TBC1D5: variants seen among roughly 807,000 people sequenced by gnomAD.
TBC1D5 encodes TBC1 domain family member 5.
Under a neutral mutation model 100.3 loss-of-function variants are expected in TBC1D5, and 75 were observed. The observed-to-expected ratio is 0.75, with a 90% CI of 0.62 to 0.91. TBC1D5 has a LOEUF of 0.91. Ranked by LOEUF, TBC1D5 falls within the 40% of genes least tolerant of loss-of-function variation. The pLI, the probability that TBC1D5 is intolerant of heterozygous loss-of-function variation, is 0.00. For missense variants in TBC1D5, 910 were observed against 942.4 expected (o/e 0.97, Z 0.45); for synonymous variants, 323 against 325.6 (o/e 0.99, Z 0.09).
At chr3:17,445,259 A>G (rs986884159) in intron 3 of TBC1D5, among the ~76,000 whole-genome samples, 7 of 152,210 alleles carry the variant, frequency 4.6e-5, no homozygotes, top group African/African-American at 7.2e-5. Flanking sequence ...AATCAGGCCA[A>G]TAATGGCCTC....
intron 2 of TBC1D5, among the ~76,000 whole-genome samples, chr3:17,511,059 C>T (rs549796202): frequency 1.5e-3 from 223 of 152,030 alleles, no homozygotes; most frequent in African/African-American, 5.3e-3. Flanking sequence ...AAAGATGCAG[C>T]CTATGAATAA....
chr3:17,550,878 T>A (rs1261937287), intron 2 of TBC1D5, among the ~76,000 whole-genome samples: 1 of 152,106 alleles, frequency 6.6e-6, no homozygotes, highest in African/African-American at 2.4e-5. Flanking sequence ...TGCAATAAAA[T>A]GTGACTATAA....
At chr3:17,214,336 G>A (rs142834175) in exon 18 of TBC1D5, 50 of 1,612,904 alleles carry the variant, frequency 3.1e-5, no homozygotes, top group Non-Finnish European at 3.9e-5. Context: ...AACTCTCAAC[G>A]CTTGGAGATG....
At chr3:17,556,737 GA>G (rs2096524774) in intron 2 of TBC1D5, among the ~76,000 whole-genome samples, 1 of 151,990 alleles carries the variant, frequency 6.6e-6, no homozygotes, top group South Asian at 2.1e-4. Flanking sequence ...ATTTACTTAG[GA>G]AAACTTTCCA....
intron 8 of TBC1D5, among the ~76,000 whole-genome samples, chr3:17,388,909 T>C (rs1342517924): frequency 6.6e-6 from 1 of 151,934 alleles, no homozygotes; most frequent in Non-Finnish European, 1.5e-5. Flanking sequence ...CATAGTGCCA[T>C]TGTAACACTA....
chr3:17,637,507 A>T (rs1055068041), intron 1 of TBC1D5, among the ~76,000 whole-genome samples: 2 of 151,966 alleles, frequency 1.3e-5, no homozygotes, highest in Non-Finnish European at 2.9e-5. Flanking sequence ...AAACTGGAAA[A>T]ATATTTTTAT....
At chr3:17,474,981 T>C (rs938893771) in intron 3 of TBC1D5, among the ~76,000 whole-genome samples, 2 of 152,120 alleles carry the variant, frequency 1.3e-5, no homozygotes, top group African/African-American at 2.4e-5. Context: ...TCATTCCTTA[T>C]ATGGCAAATG....
chr3:17,332,231 G>C (rs1292120190), intron 13 of TBC1D5, among the ~76,000 whole-genome samples: 2 of 152,176 alleles, frequency 1.3e-5, no homozygotes, highest in East Asian at 1.9e-4. Context: ...CGGCCAATGT[G>C]ATTTGTTAAT....
At chr3:17,572,617 C>T (rs1202462371) in intron 2 of TBC1D5, among the ~76,000 whole-genome samples, 1 of 151,996 alleles carries the variant, frequency 6.6e-6, no homozygotes. Flanking sequence ...ATTTATATAT[C>T]AACTACCCTG....
At chr3:17,685,410 T>G (rs545502281) in intron 1 of TBC1D5, among the ~76,000 whole-genome samples, 1 of 151,984 alleles carries the variant, frequency 6.6e-6, no homozygotes, top group East Asian at 1.9e-4. Flanking sequence ...TACTAAATAA[T>G]CAAATAAATA....
intron 3 of TBC1D5, among the ~76,000 whole-genome samples, chr3:17,460,495 TA>T (rs1403981714): frequency 1.3e-5 from 2 of 152,200 alleles, no homozygotes; most frequent in Non-Finnish European, 2.9e-5. Context: ...AGTTTTCCTC[TA>T]AGTATGTTAG....
chr3:17,272,874 G>C (rs543969572), intron 15 of TBC1D5, among the ~76,000 whole-genome samples: 45 of 152,178 alleles, frequency 3.0e-4, no homozygotes, highest in Non-Finnish European at 3.5e-4. Flanking sequence ...ACAAATAACT[G>C]ATTGGGAAAT....
chr3:17,319,122 T>C (rs752937596), intron 13 of TBC1D5, among the ~76,000 whole-genome samples: 4 of 152,258 alleles, frequency 2.6e-5, no homozygotes, highest in Admixed American at 1.3e-4. Context: ...TTTAGTTGAC[T>C]GAGGGCATCA....
At chr3:17,223,851 C>T (rs1396345377) in intron 17 of TBC1D5, among the ~76,000 whole-genome samples, 1 of 151,974 alleles carries the variant, frequency 6.6e-6, no homozygotes, top group Non-Finnish European at 1.5e-5. Flanking sequence ...GCTGAGATCG[C>T]ACCACTGCCT....
chr3:17,400,621 G>T (rs1378322226), intron 8 of TBC1D5, among the ~76,000 whole-genome samples: 2 of 152,094 alleles, frequency 1.3e-5, no homozygotes, highest in African/African-American at 4.8e-5. Context: ...GTTCCTGGGT[G>T]TGTCTGTGAG....
intron 2 of TBC1D5, among the ~76,000 whole-genome samples, chr3:17,587,802 TG>T (rs2096741844): frequency 6.6e-6 from 1 of 152,042 alleles, no homozygotes. Context: ...CGTGTATGGC[TG>T]AACTAAAAAT....
exon 14 of TBC1D5, chr3:17,308,072 T>C (rs1280383872): frequency 6.2e-7 from 1 of 1,610,070 alleles, no homozygotes; most frequent in East Asian, 2.2e-5. Context: ...AAACAAGGCA[T>C]CCCAGACCAC....
At chr3:17,187,086 G>A (rs1478224508) in intron 18 of TBC1D5, among the ~76,000 whole-genome samples, 5 of 152,140 alleles carry the variant, frequency 3.3e-5, no homozygotes, top group Non-Finnish European at 7.3e-5. Flanking sequence ...GGAAACTGTA[G>A]GAATTAGAGA....
At chr3:17,223,537 G>A (rs530748932) in intron 17 of TBC1D5, among the ~76,000 whole-genome samples, 5 of 152,210 alleles carry the variant, frequency 3.3e-5, no homozygotes, top group South Asian at 4.1e-4. Flanking sequence ...TAGAAGCATC[G>A]TAAGTTAAAC....
Sources: gnomAD v4.1 joint callset for allele counts (sites outside exome capture counted in the v4.1 genomes callset) on GRCh38, gnomAD v4.1.1 for gene constraint, MANE v1.5 for transcripts, NCBI Gene and HGNC (gene_info 2026-07-23, HGNC 2026-07-21) for gene names.